POR: variants seen among roughly 807,000 people sequenced by gnomAD.
The protein encoded by POR is cytochrome p450 oxidoreductase, also known as NADPH--cytochrome P450 reductase.
POR carries 56 observed loss-of-function variants against 84.0 expected under a neutral mutation model. The ratio of observed to expected loss-of-function variants is 0.67; its 90% CI spans 0.54 to 0.83. POR has a LOEUF of 0.83. Ranked by LOEUF, POR falls within the 40% of genes least tolerant of loss-of-function variation. The pLI is 0.00. For missense variants in POR, 938 were observed against 944.3 expected (o/e 0.99, Z 0.09); for synonymous variants, 414 against 400.5 (o/e 1.03, Z -0.40).
At chr7:75,944,047 C>G (rs1554551869) in intron 1 of POR, 1 of 285,582 alleles carries the variant, frequency 3.5e-6, no homozygotes, top group East Asian at 8.9e-5. Flanking sequence ...CAGTGTGAGT[C>G]AGGACTTCAT....
intron 1 of POR, among the ~76,000 whole-genome samples, chr7:75,918,397 G>C (rs1554548354): frequency 3.3e-5 from 5 of 152,146 alleles, no homozygotes; most frequent in African/African-American, 4.8e-5. Flanking sequence ...GGGCAGGTGG[G>C]AGAAGCATCT....
At chr7:75,983,366 G>A in intron 8 of POR, 154 bp from the exon 9 acceptor site, 1 of 616,082 alleles carries the variant, frequency 1.6e-6, no homozygotes, top group East Asian at 2.8e-5. Context: ...AACTGCATTG[G>A]ACCAGGCTGG....
intron 1 of POR, among the ~76,000 whole-genome samples, chr7:75,947,883 T>C (rs1310319817): frequency 1.3e-5 from 2 of 151,612 alleles, no homozygotes; most frequent in Admixed American, 6.6e-5. Flanking sequence ...GAGAGATGGG[T>C]GTGTGTCTGT....
At position 75,980,439 on chromosome 7, in the gene POR, A is replaced by G. The variant is rs375378703; in HGVS notation, c.467A>G (p.Tyr156Cys). The change falls in exon 5 of 16, where the codon TAC (tyrosine) becomes TGC (cysteine). Residue 156 changes from tyrosine (Y) to cysteine (C), a missense_variant. Transcript: ENST00000461988. ...CCCACCGACAATGCCCAGGACTTCT[A>G]CGACTGGCTGCAGGAGACAGACGTG... 1.2e-5 allele frequency: 20 copies of G among 1,613,228 alleles called. No individual in the cohort carries two copies. Among genetic ancestry groups the G allele is most frequent in the Middle Eastern group, 3.3e-4 (2 of 6,062 alleles).
Position 75,980,352 on chromosome 7 carries a change from G to C in POR, c.380G>C (p.Ser127Thr). ...CTGTTTCTGCAGGCCGACCTGAGCA[G>C]CCTGCCAGAGATCGACAACGCCCTG... Residue 127 changes from serine (S) to threonine (T), a missense_variant, in exon 5 of 16, where the codon AGC (serine) becomes ACC (threonine). Physicochemically the swap from Ser to Thr is moderately conservative, Grantham distance 58. Transcript: ENST00000461988. The C allele has an allele frequency of 6.2e-7, 1 of 1,612,850 alleles. No homozygotes were observed. The highest frequency in any genetic ancestry group is 1.6e-4 in the Middle Eastern group (1 of 6,062).
chr7:75,976,041 C>T (rs1310452224), intron 3 of POR, among the ~76,000 whole-genome samples: 2 of 151,924 alleles, frequency 1.3e-5, no homozygotes, highest in African/African-American at 4.8e-5. Flanking sequence ...TGTCCATAAT[C>T]GGGGTGCTTT....
intron 3 of POR, 22 bp downstream of exon 3, chr7:75,972,483 A>C (rs782662758): frequency 1.8e-5 from 28 of 1,589,024 alleles, no homozygotes; most frequent in Non-Finnish European, 2.3e-5. Flanking sequence ...GCATGTCTTT[A>C]CTCTTCTCAG....
intron 1 of POR, among the ~76,000 whole-genome samples, chr7:75,915,926 C>G (rs1806544306): frequency 6.6e-6 from 1 of 152,160 alleles, no homozygotes; most frequent in Non-Finnish European, 1.5e-5. Flanking sequence ...ACGAGTTACC[C>G]TTGTGTAAAC....
chr7:75,925,261 A>G (rs367719315), intron 1 of POR, among the ~76,000 whole-genome samples: 1 of 152,030 alleles, frequency 6.6e-6, no homozygotes, highest in African/African-American at 2.4e-5. Flanking sequence ...TAGTCCCAGC[A>G]CTCTGGGAGG....
At chr7:75,950,218 G>C (rs1335337725) in intron 1 of POR, among the ~76,000 whole-genome samples, 1 of 152,186 alleles carries the variant, frequency 6.6e-6, no homozygotes, top group African/African-American at 2.4e-5. Flanking sequence ...TGTGGGGAAT[G>C]GCCCGTCCAT....
rs782707323 is a variant in POR, at chr7:75,981,117, G to A, written c.586G>A (p.Glu196Lys). 2 of 1,562,708 alleles carry A rather than the reference G, an allele frequency of 1.3e-6. 1 individual carries two copies. The highest frequency in any genetic ancestry group is 3.8e-5 in the Admixed American group (2 of 52,650). The change falls in exon 6 of 16, where the codon GAG becomes AAG. Residue 196 changes from glutamate to lysine, a missense_variant. Glu to Lys is a moderately conservative substitution (Grantham distance 56). Transcript: ENST00000461988. ...GGGCAAGTACGTGGACAAGCGGCTG[G>A]AGCAGCTCGGCGCCCAGCGCATCTT...
At position 75,982,282 on chromosome 7, in the gene POR, G is replaced by A; in HGVS notation, c.790G>A (p.Gly264Arg). Reference sequence around the variant, plus strand: ...CATAGATGCGGCCAAGGTGTACATGGGGGAGATGGGCCGGCTGAAGAGCTA... The same window carrying A: ...CATAGATGCGGCCAAGGTGTACATGAGGGAGATGGGCCGGCTGAAGAGCTA... Residue 264 changes from glycine (G) to arginine (R), a missense_variant, in exon 8 of 16, where the codon GGG becomes AGG. Gly to Arg is a moderately radical substitution (Grantham distance 125, BLOSUM62 -2). Transcript: ENST00000461988. 1 of 1,612,846 alleles carries A rather than the reference G, an allele frequency of 6.2e-7. No homozygotes were observed.
chr7:75,922,326 T>G (rs1405666378), intron 1 of POR, among the ~76,000 whole-genome samples: 1 of 150,622 alleles, frequency 6.6e-6, no homozygotes, highest in African/African-American at 2.4e-5. Flanking sequence ...GTAGTTTTTT[T>G]TTTTTTTTTT....
chr7:75,979,726 T>C (rs1554557379), intron 4 of POR, 147 bp downstream of exon 4: 1 of 1,106,294 alleles, frequency 9.0e-7, no homozygotes, highest in Non-Finnish European at 1.3e-6. Flanking sequence ...GTGAGGGTCA[T>C]TGCCATCCCT....
chr7:75,970,938 T>TTTTTATTTTATTTTATTTTATTTTA (rs782776831), intron 2 of POR: 2 of 109,106 alleles, frequency 1.8e-5, no homozygotes, highest in South Asian at 2.9e-4. Context: ...TTAATGGCGT[T>TTTTTATTTTATTTTATTTTATTTTA]TTTTATTTTA....
At chr7:75,927,760 T>C (rs1265476638) in intron 1 of POR, among the ~76,000 whole-genome samples, 2 of 149,162 alleles carry the variant, frequency 1.3e-5, no homozygotes, top group Non-Finnish European at 3.0e-5. Flanking sequence ...AACCTCTGCC[T>C]CCCGGGTTCC....
At chr7:75,937,795 A>G (rs1262615131) in intron 1 of POR, among the ~76,000 whole-genome samples, 2 of 152,156 alleles carry the variant, frequency 1.3e-5, no homozygotes, top group Non-Finnish European at 2.9e-5. Context: ...AAAAAAAACA[A>G]TTGAGGCAAA....
chr7:75,934,480 A>C (rs1214729193), intron 1 of POR, among the ~76,000 whole-genome samples: 4 of 152,140 alleles, frequency 2.6e-5, no homozygotes, highest in Non-Finnish European at 5.9e-5. Flanking sequence ...GAAAGAAAAA[A>C]CTTTTTCAAG....
At chr7:75,945,123 A>T (rs1299476732) in intron 1 of POR, among the ~76,000 whole-genome samples, 7 of 152,060 alleles carry the variant, frequency 4.6e-5, no homozygotes, top group African/African-American at 1.7e-4. Context: ...TCTACTAAAA[A>T]TACAAAAATT....
Sources: gnomAD v4.1 joint callset for allele counts (sites outside exome capture counted in the v4.1 genomes callset) on GRCh38, gnomAD v4.1.1 for gene constraint, MANE v1.5 for transcripts, NCBI Gene and HGNC (gene_info 2026-07-23, HGNC 2026-07-21) for gene names.